Variants in RPTOR observed in about 807,000 individuals in gnomAD.
RPTOR encodes the protein regulatory-associated protein of mTOR.
In RPTOR, 21 loss-of-function variants were observed where a neutral mutation model predicts 169.9. That is an observed-to-expected ratio of 0.12 (90% confidence interval 0.09 to 0.18). The LOEUF is 0.18. Ranked by LOEUF, RPTOR falls within the 10% of genes least tolerant of loss-of-function variation. The pLI is 1.00. For synonymous variants in RPTOR, 732 were observed against 753.2 expected (o/e 0.97, Z 0.46); for missense variants, 1,133 against 1,855.9 (o/e 0.61, Z 7.16).
chr17:80,742,693 A>G (rs930787079), intron 5 of RPTOR, among the ~76,000 whole-genome samples: 2 of 30,670 alleles, frequency 6.5e-5, no homozygotes, highest in African/African-American at 1.5e-4. Flanking sequence ...ACACAGAGAC[A>G]CACATAGACA....
intron 28 of RPTOR, 138 bp downstream of exon 28, chr17:80,949,685 T>C (rs913890816): frequency 4.0e-5 from 27 of 681,302 alleles, no homozygotes; most frequent in South Asian, 6.7e-5. Flanking sequence ...AAGCAACAGC[T>C]CCCCGCCAAT....
intron 4 of RPTOR, among the ~76,000 whole-genome samples, chr17:80,709,949 C>A (rs2066173402): frequency 6.6e-6 from 1 of 151,412 alleles, no homozygotes; most frequent in Non-Finnish European, 1.5e-5. Context: ...TTTTTTTCTT[C>A]ATCTTCTTAC....
chr17:80,846,294 GCAGGCTCTCCCT>G (rs2067729218), intron 10 of RPTOR, among the ~76,000 whole-genome samples, 167 bp from the exon 11 acceptor site: 1 of 152,224 alleles, frequency 6.6e-6, no homozygotes, highest in African/African-American at 2.4e-5. Flanking sequence ...CGTGCACCCC[GCAGGCTCTCCCT>G]CTTTGGCATG....
intron 20 of RPTOR, among the ~76,000 whole-genome samples, chr17:80,901,806 G>A (rs2068479393): frequency 6.7e-6 from 1 of 149,106 alleles, no homozygotes; most frequent in Admixed American, 6.7e-5. Flanking sequence ...CCCCCCAGAA[G>A]CCCCGCCCCC....
intron 5 of RPTOR, among the ~76,000 whole-genome samples, chr17:80,753,140 T>A (rs1297903909): frequency 6.6e-6 from 1 of 152,154 alleles, no homozygotes; most frequent in Non-Finnish European, 1.5e-5. Flanking sequence ...TGGGAGGAGA[T>A]AAAATCCCCC....
chr17:80,883,191 A>C (rs1275044583), intron 14 of RPTOR, among the ~76,000 whole-genome samples: 1 of 152,200 alleles, frequency 6.6e-6, no homozygotes, highest in Non-Finnish European at 1.5e-5. Context: ...TAGGGCTTCC[A>C]AGGAGCAGTC....
intron 6 of RPTOR, among the ~76,000 whole-genome samples, chr17:80,764,155 ATTTTATTTTATTTTATT>A (rs1291986069): frequency 1.3e-3 from 176 of 130,910 alleles, no homozygotes; most frequent in African/African-American, 3.4e-3. Context: ...ATTTTATTTT[ATTTTATTTTATTTTATT>A]TTATTATTAT....
chr17:80,554,015 T>C (rs1221685861), intron 1 of RPTOR, among the ~76,000 whole-genome samples: 1 of 152,158 alleles, frequency 6.6e-6, no homozygotes, highest in Non-Finnish European at 1.5e-5. Flanking sequence ...GTGCTGGGAT[T>C]ACAGGGGTCA....
chr17:80,734,415 TCTC>T (rs1413269041), intron 5 of RPTOR, among the ~76,000 whole-genome samples: 2 of 152,190 alleles, frequency 1.3e-5, no homozygotes, highest in Non-Finnish European at 2.9e-5. Flanking sequence ...TCTCCTTTGT[TCTC>T]CTAGGGGAAA....
intron 5 of RPTOR, among the ~76,000 whole-genome samples, chr17:80,744,775 TCCTGGCTACTAGCACAGC>T (rs2066549180): frequency 1.7e-5 from 1 of 57,904 alleles, no homozygotes; most frequent in South Asian, 4.9e-4. Flanking sequence ...ACTAGCACTG[TCCTGGCTACTAGCACAGC>T]CCTGGCTACT....
chr17:80,762,410 C>T (rs1330582064), intron 6 of RPTOR, among the ~76,000 whole-genome samples: 1 of 152,148 alleles, frequency 6.6e-6, no homozygotes, highest in African/African-American at 2.4e-5. Context: ...GTGGAGCTGG[C>T]GAGGGCCCCA....
At position 80,695,338 on chromosome 17, in the gene RPTOR, T is replaced by C. The variant is rs1264189013; in HGVS notation, c.349-12503T>C. 2.0e-5 allele frequency among the ~76,000 whole-genome samples: 3 copies of C among 151,854 alleles called. No individual in the cohort carries two copies. Among genetic ancestry groups the C allele is most frequent in the African/African-American group, 7.3e-5 (3 of 41,332 alleles). ...GTTTAGTTGTTTGTGGAGGAGAAAA[T>C]TGAGGTTTGGTTTTGTTCATGACGT... On this transcript the variant is annotated intron_variant, in intron 3 of 33. Transcript: ENST00000306801. This position sits in a 1 kb window ranked among gnomAD's most constrained non-coding sequence, Gnocchi z 4.9.
At chr17:80,674,801 AAAAAAAAAAAAAAAAAAAAAAAAAC>A (rs2143691046) in intron 3 of RPTOR, among the ~76,000 whole-genome samples, 1 of 66,912 alleles carries the variant, frequency 1.5e-5, no homozygotes, top group African/African-American at 7.2e-5. Flanking sequence ...AAAAAAAAAA[AAAAAAAAAAAAAAAAAAAAAAAAAC>A]AACTTCTCAA....
At chr17:80,769,547 GC>G (rs2066821099) in intron 6 of RPTOR, among the ~76,000 whole-genome samples, 1 of 152,152 alleles carries the variant, frequency 6.6e-6, no homozygotes, top group South Asian at 2.1e-4. Context: ...GTCCCTGTGT[GC>G]CCGGAAAAGA....
chr17:80,727,820 A>G (rs1275492988), intron 4 of RPTOR, among the ~76,000 whole-genome samples: 1 of 152,170 alleles, frequency 6.6e-6, no homozygotes, highest in African/African-American at 2.4e-5. Flanking sequence ...TATAGGATGG[A>G]TATCTAGAAG....
chr17:80,724,123 C>T (rs776305581), intron 4 of RPTOR, among the ~76,000 whole-genome samples: 2 of 151,274 alleles, frequency 1.3e-5, no homozygotes, highest in Non-Finnish European at 2.9e-5. Context: ...GACAGAGATA[C>T]AGCATTTGAC....
intron 7 of RPTOR, among the ~76,000 whole-genome samples, chr17:80,792,916 C>T (rs543853120): frequency 4.0e-4 from 61 of 152,168 alleles, no homozygotes; most frequent in Non-Finnish European, 4.9e-4. Flanking sequence ...ACACACACAC[C>T]GGATGCGTAT....
chr17:80,828,161 G>A (rs1182582600), intron 9 of RPTOR, among the ~76,000 whole-genome samples: 3 of 152,182 alleles, frequency 2.0e-5, no homozygotes, highest in Admixed American at 6.5e-5. Context: ...TCACAGCATC[G>A]TTGTCAGCGT....
intron 24 of RPTOR, among the ~76,000 whole-genome samples, chr17:80,937,577 A>G (rs989432954): frequency 6.6e-6 from 1 of 152,210 alleles, no homozygotes; most frequent in African/African-American, 2.4e-5. Context: ...CAGGAGTGTC[A>G]AGATCCTCAT....
Sources: gnomAD v4.1 joint callset for allele counts (sites outside exome capture counted in the v4.1 genomes callset) on GRCh38, gnomAD v4.1.1 for gene constraint, Gnocchi (gnomAD v3.1) non-coding constraint, MANE v1.5 for transcripts, NCBI Gene and HGNC (gene_info 2026-07-23, HGNC 2026-07-21) for gene names.